Variants in TMEM132C observed in about 807,000 individuals in gnomAD.
TMEM132C encodes protein phosphatase 1, regulatory subunit 152.
In TMEM132C, 29 loss-of-function variants were observed where a neutral mutation model predicts 61.4. The observed-to-expected ratio is 0.47, with a 90% CI of 0.35 to 0.64. TMEM132C has a LOEUF of 0.64. Among genes scored for constraint, TMEM132C ranks in the 30% least tolerant of loss-of-function variants. TMEM132C has a pLI of 0.00. For synonymous variants in TMEM132C, 656 were observed against 633.1 expected (o/e 1.04, Z -0.54); for missense variants, 1,408 against 1,476.9 (o/e 0.95, Z 0.76).
At chr12:128,267,851 G>C (rs1435372366) in intron 1 of TMEM132C, among the ~76,000 whole-genome samples, 1 of 152,204 alleles carries the variant, frequency 6.6e-6, no homozygotes, top group Non-Finnish European at 1.5e-5. Context: ...CTGTGGAACT[G>C]GCATCCAGGA....
At chr12:128,301,911 T>G (rs77507791) in intron 1 of TMEM132C, among the ~76,000 whole-genome samples, 3 of 152,152 alleles carry the variant, frequency 2.0e-5, no homozygotes, top group Non-Finnish European at 4.4e-5. Context: ...TGGTGGCAGA[T>G]GAGAGAAATG....
At position 128,570,389 on chromosome 12, in the gene TMEM132C, C is replaced by T. The variant is rs749391046; in HGVS notation, c.1121+26286C>T. Among the ~76,000 whole-genome samples the T allele has an allele frequency of 2.0e-5, 3 of 152,162 alleles. No individual in the cohort carries two copies. The highest frequency in any genetic ancestry group is 4.4e-5 in the Non-Finnish European group (3 of 68,034). ...TTTACAAATCTTGTTTTGACATGCACGTCAGAGAAAAACTGCTCTGATGAA... is the reference window on the plus strand; with the variant it reads ...TTTACAAATCTTGTTTTGACATGCATGTCAGAGAAAAACTGCTCTGATGAA... On this transcript the variant is annotated intron_variant, in intron 3 of 8. Transcript: ENST00000435159. The surrounding 1 kb of genome is among the most constrained non-coding windows in gnomAD (Gnocchi z 4.7).
intron 4 of TMEM132C, among the ~76,000 whole-genome samples, chr12:128,641,980 T>C (rs982936962): frequency 7.0e-6 from 1 of 142,822 alleles, no homozygotes; most frequent in African/African-American, 2.6e-5. Flanking sequence ...TTTTTTTTTT[T>C]GTATTTTTAG....
rs532902341 is a variant in TMEM132C at position 128,497,633 on chromosome 12, G to A, written c.975-46324G>A. On this transcript the variant is annotated intron_variant, in intron 2 of 8. Coordinates refer to ENST00000435159, the MANE Select transcript of TMEM132C (RefSeq NM_001136103.3). ...GTGGGCATGGGACCCTCTGAGCCAG[G>A]TGCGGGATATAATCTCCTGGTGTGC... 2.1e-4 allele frequency among the ~76,000 whole-genome samples: 32 copies of A among 152,348 alleles called. 1 individual carries two copies. The highest frequency in any genetic ancestry group is 9.7e-4 in the East Asian group (5 of 5,170).
intron 2 of TMEM132C, among the ~76,000 whole-genome samples, chr12:128,489,966 A>T (rs1871657350): frequency 6.6e-6 from 1 of 152,352 alleles, no homozygotes; most frequent in South Asian, 2.1e-4. Context: ...GTTTGCAGAC[A>T]TGTCATGGAC....
chr12:128,617,914 CA>C (rs936894391), intron 4 of TMEM132C, among the ~76,000 whole-genome samples: 78 of 152,302 alleles, frequency 5.1e-4, no homozygotes, highest in African/African-American at 1.8e-3. Context: ...GAACAGGGGT[CA>C]ACAAACAACA....
intron 2 of TMEM132C, among the ~76,000 whole-genome samples, chr12:128,449,239 C>T (rs1018082108): frequency 9.2e-5 from 14 of 151,646 alleles, no homozygotes; most frequent in African/African-American, 3.4e-4. Flanking sequence ...TTTTCTGCTC[C>T]AAGAGTTTGG....
At chr12:128,428,634 G>T (rs955859414) in intron 2 of TMEM132C, among the ~76,000 whole-genome samples, 2 of 152,114 alleles carry the variant, frequency 1.3e-5, no homozygotes, top group Non-Finnish European at 2.9e-5. Flanking sequence ...GTTTGGAAAA[G>T]AGAAAATCGG....
At chr12:128,445,894 G>A (rs1869964869) in intron 2 of TMEM132C, among the ~76,000 whole-genome samples, 1 of 152,132 alleles carries the variant, frequency 6.6e-6, no homozygotes, top group Non-Finnish European at 1.5e-5. Flanking sequence ...GAACATGAAA[G>A]CAGAGGCCAC....
intron 1 of TMEM132C, among the ~76,000 whole-genome samples, chr12:128,348,939 G>A (rs2135960859): frequency 6.6e-6 from 1 of 152,196 alleles, no homozygotes; most frequent in Non-Finnish European, 1.5e-5. Context: ...TTTTCTATTT[G>A]AAAAATGCTT....
At chr12:128,641,681 G>A (rs764015557) in intron 4 of TMEM132C, among the ~76,000 whole-genome samples, 25 of 152,196 alleles carry the variant, frequency 1.6e-4, no homozygotes, top group Non-Finnish European at 3.2e-4. Flanking sequence ...ACCTCCAGCC[G>A]CAGAACCTTG....
intron 2 of TMEM132C, among the ~76,000 whole-genome samples, chr12:128,541,017 C>CTG (rs368184397): frequency 3.4e-5 from 3 of 87,154 alleles, no homozygotes; most frequent in Non-Finnish European, 9.8e-5. Context: ...CTATCTTTCT[C>CTG]TCTTTCTCTG....
At chr12:128,574,308 G>C (rs78894638) in intron 3 of TMEM132C, among the ~76,000 whole-genome samples, 2,918 of 152,316 alleles carry the variant, frequency 0.019, 63 homozygotes, top group African/African-American at 0.054. Context: ...AGCACCATTT[G>C]TATGATAATA....
At chr12:128,460,525 A>C (rs1414571134) in intron 2 of TMEM132C, among the ~76,000 whole-genome samples, 1 of 151,852 alleles carries the variant, frequency 6.6e-6, no homozygotes, top group Non-Finnish European at 1.5e-5. Context: ...TATCGTTCTC[A>C]CCCCGAGAGC....
chr12:128,295,605 C>T (rs974834422), intron 1 of TMEM132C, among the ~76,000 whole-genome samples: 4 of 150,270 alleles, frequency 2.7e-5, no homozygotes, highest in Non-Finnish European at 5.9e-5. Context: ...TAGACTTGCC[C>T]TCCAATGTTA....
At chr12:128,491,960 C>A (rs540870938) in intron 2 of TMEM132C, among the ~76,000 whole-genome samples, 82 of 151,926 alleles carry the variant, frequency 5.4e-4, no homozygotes, top group African/African-American at 1.9e-3. Context: ...ATTAACTCGT[C>A]GTTTACATTA....
In TMEM132C at chr12:128,358,613, A is replaced by G. The variant is rs1451712987; in HGVS notation, c.86-56119A>G. 2.6e-5 allele frequency among the ~76,000 whole-genome samples: 4 copies of G among 151,844 alleles called. No individual in the cohort carries two copies. In the East Asian group the frequency reaches 7.8e-4, roughly 29 times the overall value. ...TAAGTGTCTTGGCCACACAGGACAC[A>G]GGAATAGGGCCTTGAACCAACCATG... On this transcript the variant is annotated intron_variant, in intron 1 of 8. Coordinates refer to ENST00000435159, the MANE Select transcript of TMEM132C (RefSeq NM_001136103.3).
At chr12:128,440,568 C>T (rs951239853) in intron 2 of TMEM132C, among the ~76,000 whole-genome samples, 12 of 152,226 alleles carry the variant, frequency 7.9e-5, no homozygotes, top group Non-Finnish European at 1.5e-4. Context: ...ATCATCCCCT[C>T]TTGCCAAGGA....
intron 2 of TMEM132C, among the ~76,000 whole-genome samples, chr12:128,456,939 A>C (rs1427569856): frequency 1.3e-5 from 2 of 152,114 alleles, no homozygotes; most frequent in Non-Finnish European, 2.9e-5. Flanking sequence ...TGGCTTCCTT[A>C]GCTCCGCGTG....
Sources: allele counts gnomAD v4.1 joint callset (sites outside exome capture counted in the v4.1 genomes callset), GRCh38; gene constraint gnomAD v4.1.1; non-coding constraint Gnocchi (gnomAD v3.1); transcripts MANE v1.5; gene names NCBI Gene and HGNC (gene_info 2026-07-23, HGNC 2026-07-21).